Variants in AP3B1 observed in about 807,000 individuals in gnomAD.
AP3B1 encodes the protein AP-3 complex subunit beta-1.
In AP3B1, 61 loss-of-function variants were observed where a neutral mutation model predicts 132.5. The observed-to-expected ratio is 0.46, with a 90% CI of 0.37 to 0.57. The LOEUF (loss-of-function observed/expected upper bound fraction) is 0.57. Among genes scored for constraint, AP3B1 ranks in the 20% least tolerant of loss-of-function variants. The probability of loss-of-function intolerance (pLI) is 0.00; values close to 1 mark genes in which losing one functional copy is unlikely to be tolerated. For synonymous variants in AP3B1, 388 were observed against 438.3 expected, an observed-to-expected ratio of 0.89 and a Z score of 1.43; for missense variants, 1,120 against 1,289.4, an observed-to-expected ratio of 0.87 and a Z score of 2.01.
intron 22 of AP3B1, among the ~76,000 whole-genome samples, chr5:78,058,708 T>C (rs1748920819): frequency 1.3e-5 from 2 of 152,228 alleles, no homozygotes; most frequent in South Asian, 4.1e-4. Flanking sequence ...TACGAATTGC[T>C]TCATTAGGCA....
chr5:78,171,468 T>C (rs1333102941), intron 11 of AP3B1, among the ~76,000 whole-genome samples: 1 of 152,208 alleles, frequency 6.6e-6, no homozygotes, highest in Non-Finnish European at 1.5e-5. Context: ...GTAAGTTGGA[T>C]TCCTAGGTAT....
At chr5:78,098,190 C>T (rs1255223485) in intron 21 of AP3B1, among the ~76,000 whole-genome samples, 2 of 151,830 alleles carry the variant, frequency 1.3e-5, no homozygotes, top group Admixed American at 6.6e-5. Flanking sequence ...GACCTTTGTT[C>T]ACTTGTTTAT....
chr5:78,181,532 G>A lies in AP3B1; in HGVS notation c.917C>T (p.Pro306Leu). Residue 306 changes from proline (P) to leucine (L), a missense_variant, in exon 8 of 27, where the codon CCT (proline) becomes CTT (leucine). Coordinates refer to ENST00000255194, the MANE Select transcript of AP3B1 (RefSeq NM_003664.5). ...CGCAGCATTCCTGCTCTGAAGCAAA[G>A]GCTTTGTATTTCTAATTAAGAGTCT... Reference protein sequence around the residue: ...DHRLLIRNTKPLLQSRNAAVV... With the variant: ...DHRLLIRNTKLLLQSRNAAVV... 1.9e-6 allele frequency: 3 copies of A among 1,613,036 alleles called. No homozygotes were observed. The highest frequency in any genetic ancestry group is 2.5e-6 in the Non-Finnish European group (3 of 1,179,544).
At chr5:78,276,218 A>T (rs1748767275) in intron 1 of AP3B1, among the ~76,000 whole-genome samples, 1 of 152,050 alleles carries the variant, frequency 6.6e-6, no homozygotes, top group Non-Finnish European at 1.5e-5. Flanking sequence ...GGCATGTGCT[A>T]CCTTGCCTGG....
At chr5:78,152,871 G>C (rs1430797596) in intron 14 of AP3B1, among the ~76,000 whole-genome samples, 1 of 151,916 alleles carries the variant, frequency 6.6e-6, no homozygotes, top group African/African-American at 2.4e-5. Flanking sequence ...TCTTGTTTTA[G>C]ATTTCTAGTT....
chr5:78,178,201 A>G (rs983585017), intron 8 of AP3B1, among the ~76,000 whole-genome samples: 3 of 152,242 alleles, frequency 2.0e-5, no homozygotes, highest in African/African-American at 4.8e-5. Context: ...AAGAAAACTC[A>G]GCACATTTAA....
intron 22 of AP3B1, among the ~76,000 whole-genome samples, chr5:78,046,632 G>C (rs1440005982): frequency 3.3e-5 from 5 of 152,020 alleles, no homozygotes; most frequent in Non-Finnish European, 7.4e-5. Flanking sequence ...TCCAGGATTA[G>C]AAAGACAAAA....
At chr5:78,273,711 A>G (rs886188215) in intron 1 of AP3B1, among the ~76,000 whole-genome samples, 4 of 152,162 alleles carry the variant, frequency 2.6e-5, no homozygotes, top group African/African-American at 9.7e-5. Context: ...GGCTTTGGTG[A>G]ATGCCCTGGA....
chr5:78,024,719 A>T (rs1374258904), intron 24 of AP3B1, among the ~76,000 whole-genome samples: 1 of 151,840 alleles, frequency 6.6e-6, no homozygotes, highest in South Asian at 2.1e-4. Context: ...TGCATGCCAC[A>T]TGCCGGGCTA....
chr5:78,220,796 T>G (rs1185590800), intron 6 of AP3B1, among the ~76,000 whole-genome samples: 1 of 151,826 alleles, frequency 6.6e-6, no homozygotes, highest in Non-Finnish European at 1.5e-5. Flanking sequence ...ACGCCTGTAA[T>G]CCCAATACTT....
chr5:78,024,084 A>G (rs905659870), intron 24 of AP3B1, among the ~76,000 whole-genome samples: 3 of 152,178 alleles, frequency 2.0e-5, no homozygotes, highest in African/African-American at 7.2e-5. Context: ...AAACAGCCGA[A>G]AAGGAGTGCT....
intron 1 of AP3B1, among the ~76,000 whole-genome samples, chr5:78,279,187 C>CAG (rs2112580538): frequency 6.6e-6 from 1 of 152,208 alleles, no homozygotes; most frequent in Non-Finnish European, 1.5e-5. Context: ...TTTGTAGTTA[C>CAG]ACATGAATGG....
At chr5:78,029,349 A>G (rs554923548) in intron 24 of AP3B1, among the ~76,000 whole-genome samples, 22 of 152,058 alleles carry the variant, frequency 1.4e-4, no homozygotes, top group African/African-American at 5.1e-4. Flanking sequence ...ATACTTCTTA[A>G]TTTTTCTAGT....
At chr5:78,079,116 TG>T (rs1236639700) in intron 22 of AP3B1, among the ~76,000 whole-genome samples, 2 of 152,248 alleles carry the variant, frequency 1.3e-5, no homozygotes, top group African/African-American at 4.8e-5. Context: ...AGGCAAATCC[TG>T]CTTTAAACTC....
At chr5:78,165,052 C>T (rs1057130423) in intron 12 of AP3B1, among the ~76,000 whole-genome samples, 1 of 152,036 alleles carries the variant, frequency 6.6e-6, no homozygotes, top group African/African-American at 2.4e-5. Flanking sequence ...GGTATCATGT[C>T]CATGAAGTAA....
In AP3B1 at chr5:78,100,937, A is replaced by G; in HGVS notation, c.2470+16T>C. ...TTACTAAACACAGAAGAAATATTTTAAATTACAATACTTACAATCATCCAG... is the reference window on the plus strand; with the variant it reads ...TTACTAAACACAGAAGAAATATTTTGAATTACAATACTTACAATCATCCAG... On this transcript the variant is annotated intron_variant, in intron 21 of 26. Transcript: ENST00000255194. 6.9e-7 allele frequency: 1 copy of G among 1,447,156 alleles called. No homozygotes were observed. Among genetic ancestry groups the G allele is most frequent in the East Asian group, 2.3e-5 (1 of 43,494 alleles). 89.6% of individuals were successfully genotyped at this position (1,447,156 alleles called of 1,614,324 possible).
At chr5:78,257,796 A>C (rs1747911041) in intron 2 of AP3B1, among the ~76,000 whole-genome samples, 1 of 152,170 alleles carries the variant, frequency 6.6e-6, no homozygotes, top group African/African-American at 2.4e-5. Context: ...GTAACCAAAC[A>C]GCATGTACTG....
intron 22 of AP3B1, among the ~76,000 whole-genome samples, chr5:78,068,259 G>T (rs1749377752): frequency 6.6e-6 from 1 of 152,150 alleles, no homozygotes; most frequent in African/African-American, 2.4e-5. Context: ...GGAGGTGGAG[G>T]TTGCAGTGGG....
At chr5:78,242,769 CTATT>C (rs940541468) in intron 2 of AP3B1, among the ~76,000 whole-genome samples, 2 of 152,100 alleles carry the variant, frequency 1.3e-5, no homozygotes, top group African/African-American at 4.8e-5. Flanking sequence ...TTTTACATTT[CTATT>C]TATTTTAGTT....
Sources: allele counts gnomAD v4.1 joint callset (sites outside exome capture counted in the v4.1 genomes callset), GRCh38; gene constraint gnomAD v4.1.1; transcripts MANE v1.5; gene names NCBI Gene and HGNC (gene_info 2026-07-23, HGNC 2026-07-21).